Variants in KCNK12 observed in about 807,000 individuals in gnomAD.
KCNK12 encodes the protein potassium two pore domain channel subfamily K member 12.
A neutral mutation model predicts 25.3 loss-of-function variants in KCNK12; 6 were observed. The observed-to-expected ratio is 0.24, with a 90% CI of 0.13 to 0.47. The LOEUF (loss-of-function observed/expected upper bound fraction) is 0.47. Among genes scored for constraint, KCNK12 ranks in the 20% least tolerant of loss-of-function variants. KCNK12 has a pLI of 0.99. For missense variants in KCNK12, 444 were observed against 661.7 expected (o/e 0.67, Z 3.61); for synonymous variants, 331 against 311.1 (o/e 1.06, Z -0.67).
At chr2:47,524,783 G>A (rs1296893366) in intron 1 of KCNK12, among the ~76,000 whole-genome samples, 1 of 152,122 alleles carries the variant, frequency 6.6e-6, no homozygotes, top group Non-Finnish European at 1.5e-5. Flanking sequence ...CTTCTAGACT[G>A]TTAGAACTCT....
At chr2:47,531,327 G>T (rs1019302282) in intron 1 of KCNK12, among the ~76,000 whole-genome samples, 3 of 152,144 alleles carry the variant, frequency 2.0e-5, no homozygotes, top group African/African-American at 4.8e-5. Context: ...TTGAAAATCA[G>T]CTGGGCGTGG....
At chr2:47,545,003 T>C (rs1669281608) in intron 1 of KCNK12, among the ~76,000 whole-genome samples, 1 of 152,232 alleles carries the variant, frequency 6.6e-6, no homozygotes, top group Non-Finnish European at 1.5e-5. Flanking sequence ...CTTTTTCAAA[T>C]GTTCTATAAG....
rs917051916 is a variant in KCNK12, at chr2:47,562,707, C to G, written c.391+7234G>C. ...AGGGGCTTCAGTACCCTTCTTCATT[C>G]TCTACCAGCACCTCCCCAACCTCCT... On this transcript the variant is annotated intron_variant, in intron 1 of 1. Transcript: ENST00000327876. This position sits in a 1 kb window ranked among gnomAD's most constrained non-coding sequence, Gnocchi z 4.8. 2 of 233,178 alleles carry G rather than the reference C, an allele frequency of 8.6e-6. No individual in the cohort carries two copies. The highest frequency in any genetic ancestry group is 4.4e-5 in the African/African-American group (2 of 45,334). The allele number at this position is 233,178 out of a possible 1,614,324, so 14.4% of individuals were successfully genotyped here.
chr2:47,542,165 G>T (rs1418588159), intron 1 of KCNK12, among the ~76,000 whole-genome samples: 1 of 152,180 alleles, frequency 6.6e-6, no homozygotes, highest in Admixed American at 6.5e-5. Context: ...AGGCCTGCTG[G>T]GCTCCTCCAG....
At position 47,509,832 on chromosome 2, in the gene KCNK12, C is replaced by A. The variant is rs1573611442; in HGVS notation, c.*11075G>T. ...TGTGTAAGGCCAGGGGACTTCCCCC[C>A]CACTCCCCAACCTGAGGCATGCACC... is the stretch of plus-strand genomic sequence containing the variant. On this transcript the variant is annotated 3_prime_UTR_variant, in exon 2 of 2. Coordinates refer to ENST00000327876, the MANE Select transcript of KCNK12 (RefSeq NM_022055.2). Among the ~76,000 whole-genome samples, 1 of 152,204 alleles carries A rather than the reference C, an allele frequency of 6.6e-6. No individual in the cohort carries two copies. Among genetic ancestry groups the A allele is most frequent in the South Asian group, 2.1e-4 (1 of 4,824 alleles).
At chr2:47,549,624 G>A (rs1439519644) in intron 1 of KCNK12, among the ~76,000 whole-genome samples, 1 of 152,132 alleles carries the variant, frequency 6.6e-6, no homozygotes, top group Non-Finnish European at 1.5e-5. Context: ...TTAAAACCAA[G>A]TAGAATATCT....
chr2:47,543,846 C>A (rs1192661293), intron 1 of KCNK12: 1 of 152,222 alleles, frequency 6.6e-6, no homozygotes, highest in Non-Finnish European at 1.5e-5. Flanking sequence ...GTTTCCCATC[C>A]TTCTGCCAAG....
chr2:47,552,861 G>C lies in KCNK12; in HGVS notation c.391+17080C>G, dbSNP rs142012690. On this transcript the variant is annotated intron_variant, in intron 1 of 1. Transcript: ENST00000327876. Reference sequence around the variant, plus strand: ...GTGTGGGCATGATGTCAAGAAATGAGGGGGGAATGGAGAGCAAGAAGACCC... The same window carrying C: ...GTGTGGGCATGATGTCAAGAAATGACGGGGGAATGGAGAGCAAGAAGACCC... Among the ~76,000 whole-genome samples the C allele has an allele frequency of 9.3e-3, 1,409 of 152,288 alleles. 21 individuals carry two copies. The highest frequency in any genetic ancestry group is 0.031 in the African/African-American group (1,286 of 41,552).
intron 1 of KCNK12, among the ~76,000 whole-genome samples, chr2:47,561,644 C>T (rs1487771248): frequency 6.6e-6 from 1 of 152,194 alleles, no homozygotes; most frequent in Non-Finnish European, 1.5e-5. Flanking sequence ...GCAGATGCTA[C>T]TCATGGTTAC....
Position 47,511,895 on chromosome 2 carries a change from T to C in KCNK12, c.*9012A>G, listed in dbSNP as rs1053615340. On this transcript the variant is annotated 3_prime_UTR_variant, in exon 2 of 2. Coordinates refer to ENST00000327876, the MANE Select transcript of KCNK12 (RefSeq NM_022055.2). This position sits in a 1 kb window ranked among gnomAD's most constrained non-coding sequence, Gnocchi z 4.3. The stretch of plus-strand genomic sequence containing the variant: ...AACACTTGAAATGGGGTTAGTGCAA[T>C]TGACGAGCTGAAAATGTAGTTTAAA... Among the ~76,000 whole-genome samples, 7 of 152,204 alleles carry C rather than the reference T, an allele frequency of 4.6e-5. No individual in the cohort carries two copies. The highest frequency in any genetic ancestry group is 7.2e-5 in the African/African-American group (3 of 41,450).
chr2:47,520,970 C>T lies in KCNK12; in HGVS notation c.1230G>A (p.Ser410=). 2 of 1,314,792 alleles carry T rather than the reference C, an allele frequency of 1.5e-6. No individual in the cohort carries two copies. 81.4% of individuals were successfully genotyped at this position (1,314,792 alleles called of 1,614,324 possible). ...TGATGCCCAGCGCGCCCACGCCGCC[C>T]GAGAAGCCGTTCTGGCGCGTGTTGA... ...VCVNTRQNGF[S]GGVGALGIMN... is the part of the protein sequence containing the mutation. Residue 410 remains serine, a synonymous_variant, in exon 2 of 2, where the codon TCG becomes TCA. Transcript: ENST00000327876. This position sits in a 1 kb window ranked among gnomAD's most constrained non-coding sequence, Gnocchi z 5.0.
Position 47,540,705 on chromosome 2 carries a change from T to C in KCNK12, c.392-18897A>G, listed in dbSNP as rs1326856446. Among the ~76,000 whole-genome samples the C allele has an allele frequency of 6.6e-6, 1 of 152,172 alleles. No individual in the cohort carries two copies. The highest frequency in any genetic ancestry group is 1.5e-5 in the Non-Finnish European group (1 of 68,022). On this transcript the variant is annotated intron_variant, in intron 1 of 1. Transcript: ENST00000327876. The surrounding 1 kb of genome is among the most constrained non-coding windows in gnomAD (Gnocchi z 5.4). ...CTTTGGGAGGCCAAGGCAGGGGGAT[T>C]GCTTGAGGCCAGGAGTTTGGGACCA...
chr2:47,541,741 A>C (rs943392716), intron 1 of KCNK12, among the ~76,000 whole-genome samples: 2 of 152,206 alleles, frequency 1.3e-5, no homozygotes, highest in South Asian at 2.1e-4. Context: ...AACCACGTGA[A>C]GATATGGAGA....
chr2:47,527,996 C>A (rs150935692), intron 1 of KCNK12, among the ~76,000 whole-genome samples: 2 of 152,214 alleles, frequency 1.3e-5, no homozygotes, highest in African/African-American at 4.8e-5. Flanking sequence ...GATCCTACCC[C>A]CTTTGCTGCC....
chr2:47,553,414 T>TGG (rs1237718496), intron 1 of KCNK12, among the ~76,000 whole-genome samples: 1 of 151,806 alleles, frequency 6.6e-6, no homozygotes, highest in African/African-American at 2.4e-5. Flanking sequence ...TTTGGTGGGG[T>TGG]GGGGGGGCAC....
At position 47,529,249 on chromosome 2, in the gene KCNK12, T is replaced by C. The variant is rs976657307; in HGVS notation, c.392-7441A>G. On this transcript the variant is annotated intron_variant, in intron 1 of 1. Transcript: ENST00000327876. The surrounding 1 kb of genome is among the most constrained non-coding windows in gnomAD (Gnocchi z 4.3). Reference sequence around the variant, plus strand: ...ATAAACCAGGGCTGTTCCAAGCAACTGGGACACATGATTAAAATGCAGATT... The same window carrying C: ...ATAAACCAGGGCTGTTCCAAGCAACCGGGACACATGATTAAAATGCAGATT... The C allele has an allele frequency of 1.3e-5, 2 of 152,184 alleles. No homozygotes were observed. The highest frequency in any genetic ancestry group is 2.9e-5 in the Non-Finnish European group (2 of 68,022). 9.4% of individuals were successfully genotyped at this position (152,184 alleles called of 1,614,324 possible). A position where few individuals can be genotyped will look rare whatever the true frequency, so the allele number is the denominator to read the frequency against.
chr2:47,565,016 A>AG lies in KCNK12; in HGVS notation c.391+4924_391+4925insC, dbSNP rs1449754421. ...GGCCCTGTCTCTTAAAAAAAAAAAA[A>AG]AGTAGCCAGGTGTGGTGATGTGTGC... On this transcript the variant is annotated intron_variant, in intron 1 of 1. Transcript: ENST00000327876. This position sits in a 1 kb window ranked among gnomAD's most constrained non-coding sequence, Gnocchi z 5.0. The AG allele has an allele frequency of 4.6e-5, 7 of 151,736 alleles. No individual in the cohort carries two copies. The highest frequency in any genetic ancestry group is 6.6e-5 in the Admixed American group (1 of 15,236). 9.4% of individuals were successfully genotyped at this position (151,736 alleles called of 1,614,324 possible).
intron 1 of KCNK12, among the ~76,000 whole-genome samples, chr2:47,523,737 T>G (rs1214414550): frequency 6.6e-6 from 1 of 152,158 alleles, no homozygotes; most frequent in Non-Finnish European, 1.5e-5. Context: ...CACTTACTGC[T>G]TGGAGTCTGA....
intron 1 of KCNK12, among the ~76,000 whole-genome samples, chr2:47,543,966 T>A (rs1230758821): frequency 1.3e-5 from 2 of 152,154 alleles, no homozygotes; most frequent in Non-Finnish European, 2.9e-5. Context: ...CTGTCACTGC[T>A]CCTGGAAGCA....
Sources: gnomAD v4.1 joint callset for allele counts (sites outside exome capture counted in the v4.1 genomes callset) on GRCh38, gnomAD v4.1.1 for gene constraint, Gnocchi (gnomAD v3.1) non-coding constraint, MANE v1.5 for transcripts, NCBI Gene and HGNC (gene_info 2026-07-23, HGNC 2026-07-21) for gene names.